The following ELFN2 variants were observed in gnomAD, a reference collection of about 807,000 sequenced individuals.
ELFN2 encodes extracellular leucine rich repeat and fibronectin type III domain containing 2.
Under a neutral mutation model 45.5 loss-of-function variants are expected in ELFN2, and 17 were observed. That is an observed-to-expected ratio of 0.37 (90% CI 0.26 to 0.56). The LOEUF (loss-of-function observed/expected upper bound fraction) is 0.56. ELFN2 is among the 20% of genes least tolerant of loss of function. The probability of loss-of-function intolerance (pLI) is 0.77; values close to 1 mark genes in which losing one functional copy is unlikely to be tolerated. For missense variants in ELFN2, 922 were observed against 1,183.2 expected (o/e 0.78, Z 3.24); for synonymous variants, 550 against 551.5 (o/e 1.00, Z 0.04).
In ELFN2 at chr22:37,369,543, G is replaced by A. The variant is rs990286726; in HGVS notation, c.*3529C>T. The stretch of plus-strand genomic sequence containing the variant: ...GAAAAGCAAGGCCGGGACCCGTGAC[G>A]AGGTTTCCCCACCAACCAGGCTTTC... On this transcript the variant is annotated 3_prime_UTR_variant, in exon 3 of 3. Coordinates refer to ENST00000402918, the MANE Select transcript of ELFN2 (RefSeq NM_052906.5). 7 of 152,228 alleles carry A rather than the reference G, an allele frequency of 4.6e-5. No homozygotes were observed. The highest frequency in any genetic ancestry group is 1.4e-4 in the African/African-American group (6 of 41,436). 9.4% of individuals were successfully genotyped at this position (152,228 alleles called of 1,614,324 possible).
Position 37,374,941 on chromosome 22 carries a change from G to C in ELFN2, c.594C>G (p.Ala198=), listed in dbSNP as rs752508786. ...TGACGTTGTTGAAGACCACCAGCCA[G>C]GCCAGGAAGCCGAAGAGGTCGCACT... ...NCECDLFGFL[A]WLVVFNNVTK... Residue 198 remains alanine, a synonymous_variant, in exon 3 of 3, where the codon GCC becomes GCG. Transcript: ENST00000402918. 1 of 1,612,998 alleles carries C rather than the reference G, an allele frequency of 6.2e-7. No homozygotes were observed. Among genetic ancestry groups the C allele is most frequent in the Non-Finnish European group, 8.5e-7 (1 of 1,180,010 alleles).
intron 2 of ELFN2, among the ~76,000 whole-genome samples, chr22:37,384,285 AC>A (rs956021357): frequency 2.6e-5 from 4 of 151,270 alleles, no homozygotes; most frequent in South Asian, 4.2e-4. Context: ...TCCCTGGCAA[AC>A]CCCCACCCCA....
chr22:37,406,745 G>A (rs947313690), intron 2 of ELFN2, among the ~76,000 whole-genome samples: 31 of 152,380 alleles, frequency 2.0e-4, no homozygotes, highest in African/African-American at 7.0e-4. Context: ...GCTGGTCCCT[G>A]GGAATGACAC....
At position 37,403,544 on chromosome 22, in the gene ELFN2, G is replaced by A. The variant is rs567892147; in HGVS notation, c.-463+14225C>T. ...GGATGGGCGGTTTGGGCTCCCGGGT[G>A]TTTGTTTTGAAGCAAAGGGAGAGAA... On this transcript the variant is annotated intron_variant, in intron 2 of 2. Transcript: ENST00000402918. 3.3e-5 allele frequency among the ~76,000 whole-genome samples: 5 copies of A among 152,370 alleles called. No individual in the cohort carries two copies. In the South Asian group the frequency reaches 1.0e-3, roughly 32 times the overall value.
In ELFN2 at chr22:37,374,328, C is replaced by T. The variant is rs761725523; in HGVS notation, c.1207G>A (p.Gly403Ser). The part of the protein sequence containing the change: ...TTTHYIMTIL[G>S]CLFGMVIVLG... ...ACGATAACCATGCCAAAGAGGCAGC[C>T]CAGGATGGTCATGATGTAGTGGGTG... The change falls in exon 3 of 3, where the codon GGC becomes AGC. Residue 403 changes from glycine to serine, a missense_variant. By Grantham distance (56) the Gly-to-Ser change is moderately conservative. Around this residue, in one of 2 missense-constraint regions of ELFN2, gnomAD observed 564 missense variants for 642.8 expected, o/e 0.88. Coordinates refer to ENST00000402918, the MANE Select transcript of ELFN2 (RefSeq NM_052906.5). 2 of 1,613,988 alleles carry T rather than the reference C, an allele frequency of 1.2e-6. No individual in the cohort carries two copies. The highest frequency in any genetic ancestry group is 2.2e-5 in the South Asian group (2 of 91,086).
At chr22:37,362,167 G>A (rs867478133) in intron 1 of ELFN2, among the ~76,000 whole-genome samples, 1 of 152,208 alleles carries the variant, frequency 6.6e-6, no homozygotes, top group Admixed American at 6.5e-5. Flanking sequence ...GGGCCCTGCA[G>A]ACTCATCAGC....
rs565124895 is a variant in ELFN2, at chr22:37,361,030, C to T, written n.149-18327G>A. 2.0e-5 allele frequency among the ~76,000 whole-genome samples: 3 copies of T among 152,250 alleles called. No individual in the cohort carries two copies. In the East Asian group the frequency reaches 5.8e-4, roughly 30 times the overall value. ...AGGGTTACTTCCCGCCTTTAACCCTCACCTGAACCATGTCAAAGGACCGTT... is the reference window on the plus strand; with the variant it reads ...AGGGTTACTTCCCGCCTTTAACCCTTACCTGAACCATGTCAAAGGACCGTT... On this transcript the variant is annotated intron_variant and non_coding_transcript_variant, in intron 1 of 2. Coordinates refer to ENST00000452946, the Ensembl canonical transcript of ELFN2.
At chr22:37,381,083 C>T (rs1931748750) in intron 2 of ELFN2, among the ~76,000 whole-genome samples, 1 of 152,166 alleles carries the variant, frequency 6.6e-6, no homozygotes, top group Non-Finnish European at 1.5e-5. Flanking sequence ...TTACCTAACT[C>T]CTCTGGGCTT....
intron 2 of ELFN2, among the ~76,000 whole-genome samples, chr22:37,411,382 C>T (rs556421632): frequency 2.1e-5 from 3 of 142,248 alleles, no homozygotes; most frequent in East Asian, 4.0e-4. Context: ...TCTCTGTAGC[C>T]GGTCTCTTCC....
downstream of ELFN2, among the ~76,000 whole-genome samples, chr22:37,365,034 T>C (rs1164089427): frequency 1.3e-5 from 2 of 152,192 alleles, no homozygotes; most frequent in South Asian, 2.1e-4. Flanking sequence ...CAGGACAGGC[T>C]GCCCAGGCTG....
In ELFN2 at chr22:37,374,116, G is replaced by A; in HGVS notation, c.1419C>T (p.Ile473=). The change falls in exon 3 of 3, where the codon ATC becomes ATT. Residue 473 remains isoleucine, a synonymous_variant. Coordinates refer to ENST00000402918, the MANE Select transcript of ELFN2 (RefSeq NM_052906.5). ...GCAGCTTCTCCCCGATCATGGAGGG[G>A]ATGGAGGCCATGCGAGATACGGGCA... The part of the protein sequence containing the change: ...PVLPVSRMAS[I]PSMIGEKLPT... 2 of 1,613,124 alleles carry A rather than the reference G, an allele frequency of 1.2e-6. No individual in the cohort carries two copies. Among genetic ancestry groups the A allele is most frequent in the South Asian group, 1.1e-5 (1 of 91,086 alleles).
intron 1 of ELFN2, among the ~76,000 whole-genome samples, chr22:37,358,661 G>C (rs775085197): frequency 6.6e-6 from 1 of 152,236 alleles, no homozygotes; most frequent in African/African-American, 2.4e-5. Context: ...TTTCTGGCAG[G>C]TGCCAAGGTC....
chr22:37,405,928 G>A (rs1932490837), intron 2 of ELFN2, among the ~76,000 whole-genome samples: 1 of 152,076 alleles, frequency 6.6e-6, no homozygotes, highest in African/African-American at 2.4e-5. Context: ...CTTGAGCCCA[G>A]GAGTTTGAGA....
At chr22:37,412,781 T>C (rs972898730) in intron 2 of ELFN2, among the ~76,000 whole-genome samples, 6 of 152,174 alleles carry the variant, frequency 3.9e-5, no homozygotes, top group Non-Finnish European at 8.8e-5. Flanking sequence ...TGCGGAGCTG[T>C]CTGTCCCTTC....
intron 1 of ELFN2, among the ~76,000 whole-genome samples, chr22:37,361,723 CT>C (rs775946793): frequency 1.3e-5 from 2 of 152,144 alleles, no homozygotes; most frequent in Non-Finnish European, 2.9e-5. Flanking sequence ...TGTCTAAATA[CT>C]GAAAAGTTCT....
At chr22:37,367,342 G>A (rs1201537349), downstream of ELFN2, among the ~76,000 whole-genome samples, 1 of 152,184 alleles carries the variant, frequency 6.6e-6, no homozygotes, top group Non-Finnish European at 1.5e-5. Flanking sequence ...CAGAAGCCCC[G>A]AAGGACCAGA....
chr22:37,365,749 C>G (rs1457126704), downstream of ELFN2, among the ~76,000 whole-genome samples: 2 of 152,162 alleles, frequency 1.3e-5, no homozygotes, highest in Non-Finnish European at 2.9e-5. Flanking sequence ...GCCCAGCCAG[C>G]AGAGAAGCCT....
chr22:37,379,802 G>A (rs368287547), intron 2 of ELFN2, among the ~76,000 whole-genome samples: 44 of 152,248 alleles, frequency 2.9e-4, no homozygotes, highest in African/African-American at 8.9e-4. Flanking sequence ...TCCCCTCTCC[G>A]GTTAGTCAGC....
At chr22:37,408,018 C>A (rs557469884) in intron 2 of ELFN2, among the ~76,000 whole-genome samples, 2 of 152,334 alleles carry the variant, frequency 1.3e-5, no homozygotes, top group African/African-American at 2.4e-5. Flanking sequence ...GCACACAGCG[C>A]GGGAGCTGGA....
Sources: allele counts gnomAD v4.1 joint callset (sites outside exome capture counted in the v4.1 genomes callset), GRCh38; gene constraint gnomAD v4.1.1; regional missense constraint gnomAD v4.1.1; transcripts MANE v1.5; gene names NCBI Gene and HGNC (gene_info 2026-07-23, HGNC 2026-07-21).